STX8: variants seen among roughly 807,000 people sequenced by gnomAD.
STX8 encodes the protein syntaxin-8.
In STX8, 23 loss-of-function variants were observed where a neutral mutation model predicts 37.5. That is an observed-to-expected ratio of 0.61 (90% confidence interval 0.44 to 0.87). The LOEUF is 0.87. STX8 is among the 40% of genes least tolerant of loss of function. The pLI, the probability that STX8 is intolerant of heterozygous loss-of-function variation, is 0.00. For synonymous variants in STX8, 115 were observed against 99.1 expected, an observed-to-expected ratio of 1.16 and a Z score of -0.95; for missense variants, 313 against 284.7, an observed-to-expected ratio of 1.10 and a Z score of -0.71.
At chr17:9,568,911 A>G (rs1320406462) in intron 1 of STX8, among the ~76,000 whole-genome samples, 1 of 152,240 alleles carries the variant, frequency 6.6e-6, no homozygotes, top group Non-Finnish European at 1.5e-5. Context: ...AGCAACATGG[A>G]CTGAGCGTTA....
chr17:9,388,427 G>A (rs558711111), intron 6 of STX8, among the ~76,000 whole-genome samples: 10 of 151,774 alleles, frequency 6.6e-5, no homozygotes, highest in Admixed American at 4.6e-4. Context: ...TTATAAATGC[G>A]AGGGGAAAAA....
rs143699334 is a variant in STX8, at chr17:9,304,666, A to G, written c.644-54021T>C. Among the ~76,000 whole-genome samples the G allele has an allele frequency of 2.2e-3, 342 of 152,172 alleles. 3 individuals are homozygous for G. Among genetic ancestry groups the G allele is most frequent in the African/African-American group, 7.8e-3 (323 of 41,512 alleles). On this transcript the variant is annotated intron_variant, in intron 7 of 7. Coordinates refer to ENST00000306357, the MANE Select transcript of STX8 (RefSeq NM_004853.3). ...TGGTTCAACTTAATACAATGAAATA[A>G]TATTTTTTCCTCTATCAGACTGGCA...
intron 7 of STX8, among the ~76,000 whole-genome samples, chr17:9,313,416 G>T (rs2142194208): frequency 6.6e-6 from 1 of 152,280 alleles, no homozygotes; most frequent in East Asian, 1.9e-4. Context: ...AAGTTTTGAG[G>T]ATTCACAATC....
chr17:9,310,907 T>G (rs906329314), intron 7 of STX8, among the ~76,000 whole-genome samples: 2 of 151,834 alleles, frequency 1.3e-5, no homozygotes, highest in African/African-American at 4.8e-5. Context: ...CTTATGGGAG[T>G]AGACATTCCT....
intron 6 of STX8, among the ~76,000 whole-genome samples, chr17:9,391,730 A>C (rs1912228728): frequency 6.6e-6 from 1 of 151,954 alleles, no homozygotes; most frequent in African/African-American, 2.4e-5. Context: ...GAAAAAAAAA[A>C]AGGAAACCAT....
chr17:9,270,314 A>G (rs1333570706), intron 7 of STX8, among the ~76,000 whole-genome samples: 2 of 152,084 alleles, frequency 1.3e-5, no homozygotes, highest in Non-Finnish European at 2.9e-5. Context: ...GCGCGATCTC[A>G]GCTCACTGCA....
chr17:9,439,364 TAACAA>T lies in STX8; in HGVS notation c.541+52460_541+52464del, dbSNP rs1279837066. On this transcript the variant is annotated intron_variant, in intron 6 of 7. Transcript: ENST00000306357. ...ATTTGTTTTGGTGAAGACCAATGCC[TAACAA>T]AACACTTATTTTAATGTAGCAGCAT... Among the ~76,000 whole-genome samples, 3 of 152,162 alleles carry T rather than the reference TAACAA, an allele frequency of 2.0e-5. No homozygotes were observed. In the East Asian group the frequency reaches 5.8e-4, roughly 29 times the overall value.
chr17:9,503,087 C>T (rs1000289976), intron 5 of STX8, among the ~76,000 whole-genome samples: 1 of 98,754 alleles, frequency 1.0e-5, no homozygotes, highest in African/African-American at 4.2e-5. Context: ...GTCTAGGCAG[C>T]AAAGCCAGAC....
At chr17:9,251,429 C>G (rs955574642) in intron 7 of STX8, among the ~76,000 whole-genome samples, 1 of 152,210 alleles carries the variant, frequency 6.6e-6, no homozygotes, top group African/African-American at 2.4e-5. Flanking sequence ...TGCCAGGTAC[C>G]AGCGGCGACA....
chr17:9,435,534 C>A (rs140217133), intron 6 of STX8, among the ~76,000 whole-genome samples: 1 of 152,254 alleles, frequency 6.6e-6, no homozygotes, highest in African/African-American at 2.4e-5. Context: ...CCTGTTTCCC[C>A]AGACAAATTA....
intron 7 of STX8, among the ~76,000 whole-genome samples, chr17:9,337,216 T>C (rs544224801): frequency 9.2e-5 from 14 of 152,258 alleles, no homozygotes; most frequent in African/African-American, 3.1e-4. Context: ...AAAGGCTTTT[T>C]CCCAGAATAC....
At chr17:9,403,459 T>A (rs1268542851) in intron 6 of STX8, among the ~76,000 whole-genome samples, 3 of 152,086 alleles carry the variant, frequency 2.0e-5, no homozygotes, top group Admixed American at 6.5e-5. Flanking sequence ...AGGAAATGTG[T>A]GTGTGTGTAG....
intron 7 of STX8, among the ~76,000 whole-genome samples, chr17:9,359,972 G>A (rs1200308089): frequency 6.6e-6 from 1 of 152,016 alleles, no homozygotes; most frequent in African/African-American, 2.4e-5. Flanking sequence ...GGACAGGAGT[G>A]GGGAGAAGGT....
chr17:9,491,822 T>C lies in STX8; in HGVS notation c.541+7A>G. Reference sequence around the variant, plus strand: ...GCAAATCTGGTCAATCCCAGACTTATTCTTACCATTTTGTTCATCCAATTC... The same window carrying C: ...GCAAATCTGGTCAATCCCAGACTTACTCTTACCATTTTGTTCATCCAATTC... On this transcript the variant is annotated splice_region_variant and intron_variant, in intron 6 of 7. Transcript: ENST00000306357. 6.2e-7 allele frequency: 1 copy of C among 1,611,778 alleles called. No homozygotes were observed. The highest frequency in any genetic ancestry group is 8.5e-7 in the Non-Finnish European group (1 of 1,178,868).
At chr17:9,369,969 C>T (rs1490229161) in intron 7 of STX8, among the ~76,000 whole-genome samples, 1 of 149,440 alleles carries the variant, frequency 6.7e-6, no homozygotes, top group Non-Finnish European at 1.5e-5. Context: ...AATCCCAACA[C>T]TTTGGGAGGC....
rs542695604 is a variant in STX8 at position 9,386,933 on chromosome 17, G to A, written c.542-8280C>T. Among the ~76,000 whole-genome samples, 8 of 152,034 alleles carry A rather than the reference G, an allele frequency of 5.3e-5. No individual in the cohort carries two copies. The South Asian group carries it at 1.2e-3, about 24-fold the overall frequency. ...TGCCCAGGCTGGAGTGCAGTGGCGC[G>A]ATCTCAGCTCACTGCAACCTCCACC... On this transcript the variant is annotated intron_variant, in intron 6 of 7. Transcript: ENST00000306357.
At chr17:9,358,347 C>G (rs989738774) in intron 7 of STX8, among the ~76,000 whole-genome samples, 1 of 151,784 alleles carries the variant, frequency 6.6e-6, no homozygotes, top group Non-Finnish European at 1.5e-5. Context: ...GAGCGAGACC[C>G]TGTCTCTAAA....
In STX8 at chr17:9,405,288, G is replaced by C. The variant is rs9902007; in HGVS notation, c.542-26635C>G. ...ACCCCCTGATCTAGAGTCTGAATTAGAGACCTTGGGTTTGGAAGCAAGTAG... is the reference window on the plus strand; with the variant it reads ...ACCCCCTGATCTAGAGTCTGAATTACAGACCTTGGGTTTGGAAGCAAGTAG... On this transcript the variant is annotated intron_variant, in intron 6 of 7. Coordinates refer to ENST00000306357, the MANE Select transcript of STX8 (RefSeq NM_004853.3). Among the ~76,000 whole-genome samples the C allele has an allele frequency of 3.9e-5, 6 of 152,282 alleles. 1 individual carries two copies. The highest frequency in any genetic ancestry group is 2.6e-4 in the Admixed American group (4 of 15,298).
chr17:9,330,131 C>T (rs1909914126), intron 7 of STX8, among the ~76,000 whole-genome samples: 1 of 152,182 alleles, frequency 6.6e-6, no homozygotes, highest in Non-Finnish European at 1.5e-5. Flanking sequence ...CCTCCGTAAG[C>T]TTTCCCAAGT....
Sources: allele counts gnomAD v4.1 joint callset (sites outside exome capture counted in the v4.1 genomes callset), GRCh38; gene constraint gnomAD v4.1.1; transcripts MANE v1.5; gene names NCBI Gene and HGNC (gene_info 2026-07-23, HGNC 2026-07-21).